IFT122: variants seen among roughly 807,000 people sequenced by gnomAD.
The protein encoded by IFT122 is intraflagellar transport 122, also known as intraflagellar transport protein 122 homolog.
In IFT122, 118 loss-of-function variants were observed where a neutral mutation model predicts 161.6. The ratio of observed to expected loss-of-function variants is 0.73; its 90% CI spans 0.63 to 0.85. The LOEUF (loss-of-function observed/expected upper bound fraction) is 0.85, where lower values mean the gene tolerates loss of function less well. Among genes scored for constraint, IFT122 ranks in the 40% least tolerant of loss-of-function variants. The probability of loss-of-function intolerance (pLI) is 0.00; values close to 1 mark genes in which losing one functional copy is unlikely to be tolerated. For synonymous variants in IFT122, 550 were observed against 602.4 expected (o/e 0.91, Z 1.27); for missense variants, 1,381 against 1,579.6 (o/e 0.87, Z 2.13).
chr3:129,474,215 T>C (rs1350324166), intron 9 of IFT122, among the ~76,000 whole-genome samples: 1 of 152,208 alleles, frequency 6.6e-6, no homozygotes, highest in Non-Finnish European at 1.5e-5. Context: ...CTGTTCAAAA[T>C]TGGATGCCTT....
intron 8 of IFT122, among the ~76,000 whole-genome samples, chr3:129,468,587 A>G (rs1490017242): frequency 2.0e-5 from 3 of 152,144 alleles, no homozygotes; most frequent in East Asian, 1.9e-4. Context: ...CAGGTGATCC[A>G]CCTGCCTCAA....
intron 15 of IFT122, among the ~76,000 whole-genome samples, chr3:129,487,016 T>TA (rs1428023437): frequency 3.9e-5 from 6 of 151,940 alleles, no homozygotes; most frequent in East Asian, 1.9e-4. Context: ...AGACTCAAAA[T>TA]AAAAAAAATT....
Position 129,517,220 on chromosome 3 carries a change from A to G in IFT122, c.3266-249A>G, listed in dbSNP as rs1334237552. Among the ~76,000 whole-genome samples the G allele has an allele frequency of 2.9e-5, 4 of 136,490 alleles. No individual in the cohort carries two copies. In the Admixed American group the frequency reaches 2.9e-4, roughly 10 times the overall value. The allele number at this position is 136,490 out of a possible 152,430, so 89.5% of individuals were successfully genotyped here. ...ACACACACACACAGACTGCCCCTGC[A>G]CACACACACACACAGAAACTGCCCC... On this transcript the variant is annotated intron_variant, in intron 26 of 29. Transcript: ENST00000348417.
intron 24 of IFT122, chr3:129,513,943 TGG>T: frequency 3.1e-6 from 1 of 325,132 alleles, no homozygotes; most frequent in Middle Eastern, 4.9e-4. Context: ...GCAGACAGAG[TGG>T]GGTACACCCA....
rs777418707 is a variant in IFT122, at chr3:129,478,039, G to C, written c.1171G>C (p.Val391Leu). 2 of 1,614,176 alleles carry C rather than the reference G, an allele frequency of 1.2e-6. No homozygotes were observed. The highest frequency in any genetic ancestry group is 1.7e-5 in the Admixed American group (1 of 60,030). The change falls in exon 12 of 30, where the codon GTC (valine) becomes CTC (leucine). Residue 391 changes from valine (V) to leucine (L), a missense_variant. Coordinates refer to ENST00000348417, the MANE Select transcript of IFT122 (RefSeq NM_052989.3). ...QKVRIKCKELVKKIAIYRNRL... is the reference protein window; with the variant it reads ...QKVRIKCKELLKKIAIYRNRL... ...AGTTCGGATTAAATGCAAAGAGCTT[G>C]TCAAGAAGATTGCCATCTACAGAAA...
chr3:129,503,487 C>G (rs766428200), intron 20 of IFT122, among the ~76,000 whole-genome samples: 2 of 152,122 alleles, frequency 1.3e-5, no homozygotes, highest in Non-Finnish European at 1.5e-5. Flanking sequence ...TGGCTCAACC[C>G]CCACCCTCCA....
intron 1 of IFT122, among the ~76,000 whole-genome samples, chr3:129,441,115 A>T (rs1335454572): frequency 6.6e-6 from 1 of 152,248 alleles, no homozygotes; most frequent in African/African-American, 2.4e-5. Flanking sequence ...TTCCATTGTT[A>T]TCGCCTAAAT....
chr3:129,489,186 C>T (rs1166721387), intron 16 of IFT122, among the ~76,000 whole-genome samples: 2 of 152,222 alleles, frequency 1.3e-5, no homozygotes, highest in East Asian at 1.9e-4. Context: ...CAAAGAGGGA[C>T]GTGATGCCCG....
At chr3:129,457,072 A>G (rs2075591534) in intron 3 of IFT122, among the ~76,000 whole-genome samples, 1 of 152,192 alleles carries the variant, frequency 6.6e-6, no homozygotes, top group South Asian at 2.1e-4. Flanking sequence ...ATAAAGTCTA[A>G]AAGTCCTTAA....
At position 129,489,884 on chromosome 3, in the gene IFT122, T is replaced by C. The variant is rs1429033549; in HGVS notation, c.1992+1487T>C. On this transcript the variant is annotated intron_variant, in intron 16 of 29. Transcript: ENST00000348417. ...ATTCAGAGGAGGGAGGAGGCATCTC[T>C]ATGGAGGGAGCTTCCCTCTCCTGCC... Among the ~76,000 whole-genome samples, 4 of 149,546 alleles carry C rather than the reference T, an allele frequency of 2.7e-5. No individual in the cohort carries two copies. The East Asian group carries it at 5.8e-4, about 22-fold the overall frequency.
intron 7 of IFT122, among the ~76,000 whole-genome samples, chr3:129,465,114 AGTGTGTGT>A (rs56116340): frequency 0.062 from 8,820 of 142,284 alleles, 318 homozygotes; most frequent in African/African-American, 0.1. Context: ...CATGTATATG[AGTGTGTGT>A]GTGTGTGTGT....
intron 19 of IFT122, among the ~76,000 whole-genome samples, chr3:129,502,261 C>T (rs1019839719): frequency 3.9e-5 from 6 of 152,234 alleles, no homozygotes; most frequent in African/African-American, 1.4e-4. Flanking sequence ...AGAATTCCTG[C>T]ACCCGTGGTG....
At chr3:129,493,360 A>G (rs1341135013) in intron 17 of IFT122, among the ~76,000 whole-genome samples, 2 of 152,192 alleles carry the variant, frequency 1.3e-5, no homozygotes, top group African/African-American at 2.4e-5. Flanking sequence ...AGAGCTGAGG[A>G]GGAGAGAGGC....
chr3:129,514,480 A>C lies in IFT122; in HGVS notation c.3079A>C (p.Ile1027Leu), dbSNP rs2083231341. 6.2e-7 allele frequency: 1 copy of C among 1,614,076 alleles called. No individual in the cohort carries two copies. Among genetic ancestry groups the C allele is most frequent in the Non-Finnish European group, 8.5e-7 (1 of 1,180,018 alleles). The change falls in exon 25 of 30, where the codon ATC (isoleucine) becomes CTC (leucine). Residue 1027 changes from isoleucine to leucine, a missense_variant. Ile to Leu is a conservative substitution (Grantham distance 5). This residue lies in a region of IFT122 where 496 missense variants were observed against 502.5 expected (regional missense o/e 0.99). Coordinates refer to ENST00000348417, the MANE Select transcript of IFT122 (RefSeq NM_052989.3). ...CTATGACAAGCTGCGTGGCCTGTACATCCCTGCCAGATTCCAAAAGTCCAT... is the reference window on the plus strand; with the variant it reads ...CTATGACAAGCTGCGTGGCCTGTACCTCCCTGCCAGATTCCAAAAGTCCAT... ...HAYDKLRGLY[I>L]PARFQKSIEL... is the part of the protein sequence containing the mutation.
At chr3:129,511,870 A>G (rs778607240) in intron 23 of IFT122, among the ~76,000 whole-genome samples, 1 of 152,236 alleles carries the variant, frequency 6.6e-6, no homozygotes, top group Non-Finnish European at 1.5e-5. Flanking sequence ...TATATGAATC[A>G]GTGGTTATGT....
At chr3:129,488,624 C>G (rs1207290955) in intron 16 of IFT122, among the ~76,000 whole-genome samples, 1 of 151,994 alleles carries the variant, frequency 6.6e-6, no homozygotes, top group African/African-American at 2.4e-5. Flanking sequence ...CCCATCCTCA[C>G]AAAGCTGTGA....
chr3:129,514,279 C>A, intron 24 of IFT122, 110 bp from the exon 25 acceptor site: 1 of 1,241,990 alleles, frequency 8.1e-7, no homozygotes, highest in Non-Finnish European at 1.2e-6. Flanking sequence ...CCTCTGCCTT[C>A]CCGGCACCAG....
rs936663030 is a variant in IFT122, at chr3:129,512,573, C to T, written c.2987+161C>T. 5.8e-6 allele frequency: 4 copies of T among 688,760 alleles called. No homozygotes were observed. In the African/African-American group the frequency reaches 7.1e-5, roughly 12 times the overall value. 42.7% of individuals were successfully genotyped at this position (688,760 alleles called of 1,614,324 possible). A position where few individuals can be genotyped will look rare whatever the true frequency, so the allele number is the denominator to read the frequency against. On this transcript the variant is annotated intron_variant, in intron 24 of 29. Transcript: ENST00000348417. ...CCGCTGCTGTTTGGCTATAGAGGCT[C>T]AGCAGGGAGGCCCAGGGGCCCAGGC...
At chr3:129,488,729 C>G (rs888189917) in intron 16 of IFT122, among the ~76,000 whole-genome samples, 1 of 151,994 alleles carries the variant, frequency 6.6e-6, no homozygotes, top group Non-Finnish European at 1.5e-5. Context: ...TGGGAAGCAC[C>G]TGACTAGTAG....
Sources: allele counts gnomAD v4.1 joint callset (sites outside exome capture counted in the v4.1 genomes callset), GRCh38; gene constraint gnomAD v4.1.1; regional missense constraint gnomAD v4.1.1; transcripts MANE v1.5; gene names NCBI Gene and HGNC (gene_info 2026-07-23, HGNC 2026-07-21).